The following ERCC6L2 variants were observed in gnomAD, a reference collection of about 807,000 sequenced individuals.
The protein encoded by ERCC6L2 is ERCC excision repair 6 like 2, also known as DNA excision repair protein ERCC-6-like 2.
In ERCC6L2, 77 loss-of-function variants were observed where a neutral mutation model predicts 132.0. The ratio of observed to expected loss-of-function variants is 0.58; its 90% CI spans 0.49 to 0.71. The LOEUF (loss-of-function observed/expected upper bound fraction) is 0.71. ERCC6L2 is among the 30% of genes least tolerant of loss of function. ERCC6L2 has a pLI of 0.00. For missense variants in ERCC6L2, 1,542 were observed against 1,837.6 expected, an observed-to-expected ratio of 0.84 and a Z score of 2.94; for synonymous variants, 583 against 632.4, an observed-to-expected ratio of 0.92 and a Z score of 1.17.
intron 12 of ERCC6L2, among the ~76,000 whole-genome samples, chr9:95,947,800 A>G (rs1314297225): frequency 1.3e-5 from 2 of 152,200 alleles, no homozygotes; most frequent in South Asian, 2.1e-4. Context: ...AAATGGAACA[A>G]CAAAGCCTGG....
chr9:96,031,311 GT>G (rs1834456336), intron 19 of ERCC6L2, among the ~76,000 whole-genome samples: 1 of 152,166 alleles, frequency 6.6e-6, no homozygotes, highest in Non-Finnish European at 1.5e-5. Context: ...CTTGGGGGTT[GT>G]TTTTTAAGGA....
chr9:95,886,639 A>C (rs1333933182), intron 2 of ERCC6L2, among the ~76,000 whole-genome samples: 1 of 152,218 alleles, frequency 6.6e-6, no homozygotes, highest in African/African-American at 2.4e-5. Flanking sequence ...TGGGCCAGGC[A>C]CTGTGATTGG....
chr9:95,937,383 A>T (rs968211771), intron 11 of ERCC6L2, among the ~76,000 whole-genome samples: 1 of 152,118 alleles, frequency 6.6e-6, no homozygotes, highest in Non-Finnish European at 1.5e-5. Flanking sequence ...TAATGATATT[A>T]AACATCTTTT....
At chr9:95,899,600 A>ATATGTGTG (rs746946004) in intron 3 of ERCC6L2, among the ~76,000 whole-genome samples, 5,424 of 134,754 alleles carry the variant, frequency 0.04, 137 homozygotes, top group South Asian at 0.1. Context: ...TTATATATAT[A>ATATGTGTG]TGTGTGTGTG....
chr9:95,956,086 G>C (rs1024292544), intron 13 of ERCC6L2, 73 bp downstream of exon 13: 21 of 806,460 alleles, frequency 2.6e-5, no homozygotes, highest in Non-Finnish European at 3.6e-5. Context: ...ACAAATTTGT[G>C]TAAAATGTAA....
At chr9:96,000,897 A>G (rs1833647324) in intron 17 of ERCC6L2, among the ~76,000 whole-genome samples, 1 of 152,218 alleles carries the variant, frequency 6.6e-6, no homozygotes, top group Admixed American at 6.5e-5. Context: ...GACTTCAAGA[A>G]TGAAGCCGTG....
chr9:95,918,563 G>A (rs1338228802), intron 6 of ERCC6L2: 6 of 417,424 alleles, frequency 1.4e-5, no homozygotes, highest in African/African-American at 1.2e-4. Context: ...GCTACTCTGA[G>A]AATTGTGTGG....
At chr9:96,010,332 G>T (rs1185647984) in intron 18 of ERCC6L2, among the ~76,000 whole-genome samples, 1 of 152,174 alleles carries the variant, frequency 6.6e-6, no homozygotes, top group Non-Finnish European at 1.5e-5. Context: ...TTTATGGTCT[G>T]CCCCTAAAAG....
chr9:96,013,979 G>C lies in ERCC6L2; in HGVS notation c.*776G>C, dbSNP rs746132441. On this transcript the variant is annotated 3_prime_UTR_variant, in exon 19 of 19. Transcript: ENST00000653738. Reference sequence around the variant, plus strand: ...AAGAAATGGGTAAACTTTTTATTTTGTTAGAAACTGTTATATTTTGAGTGT... The same window carrying C: ...AAGAAATGGGTAAACTTTTTATTTTCTTAGAAACTGTTATATTTTGAGTGT... 6.6e-6 allele frequency: 1 copy of C among 152,060 alleles called. No homozygotes were observed. The highest frequency in any genetic ancestry group is 2.4e-5 in the African/African-American group (1 of 41,394). 9.4% of individuals were successfully genotyped at this position (152,060 alleles called of 1,614,324 possible). A position where few individuals can be genotyped will look rare whatever the true frequency, so the allele number is the denominator to read the frequency against.
intron 12 of ERCC6L2, among the ~76,000 whole-genome samples, chr9:95,949,572 C>A (rs896473804): frequency 1.5e-3 from 221 of 150,566 alleles, no homozygotes; most frequent in African/African-American, 5.2e-3. Flanking sequence ...GAAAAAAAAA[C>A]AAACAAACTG....
At chr9:95,916,470 G>T (rs751614415) in intron 6 of ERCC6L2, 36 bp downstream of exon 6, 19 of 1,418,488 alleles carry the variant, frequency 1.3e-5, no homozygotes, top group Non-Finnish European at 1.7e-5. Context: ...TTAATTTGTG[G>T]TCATATTTTT....
chr9:95,922,566 G>C (rs997434419), intron 8 of ERCC6L2, 148 bp downstream of exon 8: 17 of 568,818 alleles, frequency 3.0e-5, no homozygotes, highest in African/African-American at 5.8e-5. Flanking sequence ...CAAGGAGTAT[G>C]TGCACTTAAG....
At chr9:95,995,346 G>A (rs535338500) in intron 17 of ERCC6L2, among the ~76,000 whole-genome samples, 1 of 152,296 alleles carries the variant, frequency 6.6e-6, no homozygotes, top group South Asian at 2.1e-4. Flanking sequence ...TCATTTGAAT[G>A]TTTCATACTA....
chr9:95,987,165 C>T (rs933021712), intron 17 of ERCC6L2, among the ~76,000 whole-genome samples: 1 of 152,146 alleles, frequency 6.6e-6, no homozygotes, highest in African/African-American at 2.4e-5. Flanking sequence ...GGTGGGGACA[C>T]AGAGCCAAAC....
chr9:95,946,753 A>T (rs1163755330), intron 12 of ERCC6L2, among the ~76,000 whole-genome samples: 1 of 152,174 alleles, frequency 6.6e-6, no homozygotes, highest in Admixed American at 6.5e-5. Context: ...TTTCCGTGGC[A>T]TATGCTCACT....
At chr9:95,876,221 C>G in intron 1 of ERCC6L2, 137 bp downstream of exon 1, 2 of 739,544 alleles carry the variant, frequency 2.7e-6, no homozygotes, top group South Asian at 4.1e-5. Flanking sequence ...GTGAACCCCT[C>G]CAGGCCTGGA....
At position 95,961,189 on chromosome 9, in the gene ERCC6L2, G is replaced by C. The variant is rs186624531; in HGVS notation, c.1947+5176G>C. Reference sequence around the variant, plus strand: ...TGAATGTGATCTTATTTGTAAGTAGGGTCTTTGCAGATGAGGTTAAGATGC... The same window carrying C: ...TGAATGTGATCTTATTTGTAAGTAGCGTCTTTGCAGATGAGGTTAAGATGC... On this transcript the variant is annotated intron_variant, in intron 13 of 18. Coordinates refer to ENST00000653738, the MANE Select transcript of ERCC6L2 (RefSeq NM_020207.7). Among the ~76,000 whole-genome samples, 486 of 152,196 alleles carry C rather than the reference G, an allele frequency of 3.2e-3. 2 individuals are homozygous for C. Among genetic ancestry groups the C allele is most frequent in the African/African-American group, 0.011 (465 of 41,536 alleles).
intron 12 of ERCC6L2, among the ~76,000 whole-genome samples, chr9:95,950,963 A>G (rs1004520751): frequency 6.6e-6 from 1 of 152,212 alleles, no homozygotes; most frequent in African/African-American, 2.4e-5. Context: ...GAACAGCAAT[A>G]TAGACAAATT....
At chr9:95,979,976 G>T (rs575627053) in intron 17 of ERCC6L2, among the ~76,000 whole-genome samples, 1 of 152,028 alleles carries the variant, frequency 6.6e-6, no homozygotes, top group African/African-American at 2.4e-5. Context: ...TTGGCAAACC[G>T]CTGTAGTGGA....
Sources: allele counts gnomAD v4.1 joint callset (sites outside exome capture counted in the v4.1 genomes callset), GRCh38; gene constraint gnomAD v4.1.1; transcripts MANE v1.5; gene names NCBI Gene and HGNC (gene_info 2026-07-23, HGNC 2026-07-21).